PLCG2: variants seen among roughly 807,000 people sequenced by gnomAD.
PLCG2 encodes the protein phospholipase C gamma 2, also known as 1-phosphatidylinositol 4,5-bisphosphate phosphodiesterase gamma-2.
Under a neutral mutation model 175.6 loss-of-function variants are expected in PLCG2, and 69 were observed. That is an observed-to-expected ratio of 0.39 (90% CI 0.32 to 0.48). The LOEUF (loss-of-function observed/expected upper bound fraction) is 0.48, where lower values mean the gene tolerates loss of function less well. PLCG2 is among the 20% of genes least tolerant of loss of function. The pLI is 0.91. For synonymous variants in PLCG2, 827 were observed against 624.0 expected, an observed-to-expected ratio of 1.33 and a Z score of -4.85; for missense variants, 1,798 against 1,650.9, an observed-to-expected ratio of 1.09 and a Z score of -1.54.
chr16:81,838,588 A>G (rs1361101922), intron 2 of PLCG2, among the ~76,000 whole-genome samples: 3 of 151,824 alleles, frequency 2.0e-5, no homozygotes, highest in Non-Finnish European at 4.4e-5. Flanking sequence ...GGAGGGGAAC[A>G]TCACACACCA....
rs763843078 is a variant in PLCG2, at chr16:81,912,594, C to T, written c.1935-3C>T. ...GGTCGTTTTCCCTGGCCCTGTGCCG[C>T]AGGTGGTACTATGACAGCCTGAGCC... On this transcript the variant is annotated splice_polypyrimidine_tract_variant and splice_region_variant and intron_variant, in intron 18 of 32. Transcript: ENST00000564138. 6.2e-7 allele frequency: 1 copy of T among 1,612,776 alleles called. No homozygotes were observed. Among genetic ancestry groups the T allele is most frequent in the Non-Finnish European group, 8.5e-7 (1 of 1,179,824 alleles).
At chr16:81,884,043 C>T (rs531296358) in intron 9 of PLCG2, among the ~76,000 whole-genome samples, 1 of 152,318 alleles carries the variant, frequency 6.6e-6, no homozygotes, top group South Asian at 2.1e-4. Context: ...GCAGCCCCCC[C>T]TACCCCCCAG....
At chr16:81,950,767 AG>A (rs1911334600) in intron 31 of PLCG2, among the ~76,000 whole-genome samples, 1 of 152,254 alleles carries the variant, frequency 6.6e-6, no homozygotes, top group South Asian at 2.1e-4. Flanking sequence ...TAAATTACTT[AG>A]AAAGTAAAAC....
chr16:81,891,636 G>A (rs755075594), intron 11 of PLCG2, 46 bp downstream of exon 11: 7 of 1,126,196 alleles, frequency 6.2e-6, no homozygotes, highest in South Asian at 1.2e-5. Flanking sequence ...CACAGAGCAC[G>A]TGAGGGTTGA....
chr16:81,845,214 T>C (rs1472280004), intron 2 of PLCG2, among the ~76,000 whole-genome samples: 4 of 152,236 alleles, frequency 2.6e-5, no homozygotes, highest in Non-Finnish European at 5.9e-5. Flanking sequence ...GTGCTGGAAT[T>C]ATAGGCATGA....
At position 81,823,960 on chromosome 16, in the gene PLCG2, TTTCC is replaced by T. The variant is rs540496996; in HGVS notation, c.194-30472_194-30469del. On this transcript the variant is annotated intron_variant, in intron 2 of 32. Transcript: ENST00000564138. ...CCTCCCTTCCTCCTTTCCCTTTCCCTTTCCTTCCTTCCTTCTTTTCCTTCTTTTT... is the reference window on the plus strand; with the variant it reads ...CCTCCCTTCCTCCTTTCCCTTTCCCTTTCCTTCCTTCTTTTCCTTCTTTTT... Among the ~76,000 whole-genome samples, 19 of 149,852 alleles carry T rather than the reference TTTCC, an allele frequency of 1.3e-4. No homozygotes were observed. The East Asian group carries it at 3.5e-3, about 28-fold the overall frequency.
At chr16:81,829,356 G>T (rs757982535) in intron 2 of PLCG2, among the ~76,000 whole-genome samples, 4 of 152,110 alleles carry the variant, frequency 2.6e-5, no homozygotes, top group Admixed American at 6.5e-5. Context: ...TGATCTGCCC[G>T]CCTCGGCCTC....
chr16:81,864,272 GCAGAA>G (rs1907120273), intron 5 of PLCG2, among the ~76,000 whole-genome samples: 1 of 152,168 alleles, frequency 6.6e-6, no homozygotes, highest in African/African-American at 2.4e-5. Context: ...ACTTAGAGAA[GCAGAA>G]CTCTGGGGCT....
chr16:81,846,613 G>T (rs935039773), intron 2 of PLCG2, among the ~76,000 whole-genome samples: 1 of 152,156 alleles, frequency 6.6e-6, no homozygotes, highest in African/African-American at 2.4e-5. Flanking sequence ...AGAACATCGG[G>T]CTTATGGCTA....
At chr16:81,927,873 A>G (rs983154269) in intron 23 of PLCG2, among the ~76,000 whole-genome samples, 20 of 152,276 alleles carry the variant, frequency 1.3e-4, no homozygotes, top group African/African-American at 4.6e-4. Context: ...GGCAGTGGGA[A>G]TGTGGTTGTG....
intron 13 of PLCG2, among the ~76,000 whole-genome samples, 190 bp from the exon 14 acceptor site, chr16:81,900,422 T>C (rs1909098104): frequency 6.6e-6 from 1 of 152,258 alleles, no homozygotes; most frequent in Non-Finnish European, 1.5e-5. Flanking sequence ...GCAGCTGTTC[T>C]GAGTCCCAAG....
chr16:81,792,179 T>C (rs955142395), intron 2 of PLCG2, among the ~76,000 whole-genome samples: 1 of 151,994 alleles, frequency 6.6e-6, no homozygotes. Context: ...ATTCTTATGG[T>C]GCTAATAAAG....
intron 26 of PLCG2, 95 bp from the exon 27 acceptor site, chr16:81,936,074 C>G (rs1910698027): frequency 2.0e-6 from 3 of 1,518,948 alleles, no homozygotes; most frequent in African/African-American, 1.4e-5. Flanking sequence ...TCCTGGTTTC[C>G]TTTTATAATC....
intron 2 of PLCG2, among the ~76,000 whole-genome samples, chr16:81,771,681 C>T (rs1271191175): frequency 1.4e-5 from 2 of 142,774 alleles, no homozygotes; most frequent in East Asian, 2.0e-4. Flanking sequence ...CCCCCCCCAA[C>T]CCCCCACCCA....
intron 7 of PLCG2, among the ~76,000 whole-genome samples, chr16:81,876,568 A>C (rs1907800550): frequency 6.6e-6 from 1 of 152,180 alleles, no homozygotes; most frequent in African/African-American, 2.4e-5. Flanking sequence ...CCCGACTCAG[A>C]GATGACATTT....
At chr16:81,842,674 G>T (rs8043593) in intron 2 of PLCG2, 46,608 of 151,956 alleles carry the variant, frequency 0.31, 7,925 homozygotes, top group East Asian at 0.58. Flanking sequence ...TGGTGTCAGG[G>T]GTGGGAGGAC....
intron 2 of PLCG2, among the ~76,000 whole-genome samples, chr16:81,759,986 A>T (rs1158488244): frequency 6.6e-6 from 1 of 152,004 alleles, no homozygotes; most frequent in Non-Finnish European, 1.5e-5. Flanking sequence ...ATTAGCCGGG[A>T]GTGGTGGCGG....
chr16:81,795,539 A>G (rs1911428873), intron 2 of PLCG2, among the ~76,000 whole-genome samples: 2 of 152,190 alleles, frequency 1.3e-5, no homozygotes, highest in Admixed American at 6.5e-5. Context: ...TCTGATCACA[A>G]TGGGACTCTG....
intron 2 of PLCG2, among the ~76,000 whole-genome samples, chr16:81,792,480 C>CAAAAAAAAAAAAAAAAA (rs532680550): frequency 1.4e-4 from 10 of 70,156 alleles, no homozygotes; most frequent in African/African-American, 5.3e-4. Flanking sequence ...GGCTCTGTCT[C>CAAAAAAAAAAAAAAAAA]AAAAAAAAAA....
Sources: allele counts gnomAD v4.1 joint callset (sites outside exome capture counted in the v4.1 genomes callset), GRCh38; gene constraint gnomAD v4.1.1; transcripts MANE v1.5; gene names NCBI Gene and HGNC (gene_info 2026-07-23, HGNC 2026-07-21).